The following TECPR1 variants were observed in gnomAD, a reference collection of about 807,000 sequenced individuals.
TECPR1 encodes tectonin beta-propeller repeat-containing protein 1.
A neutral mutation model predicts 162.4 loss-of-function variants in TECPR1; 122 were observed. The ratio of observed to expected loss-of-function variants is 0.75; its 90% confidence interval spans 0.65 to 0.87. The LOEUF (loss-of-function observed/expected upper bound fraction) is 0.87. Ranked by LOEUF, TECPR1 falls within the 40% of genes least tolerant of loss-of-function variation. TECPR1 has a pLI of 0.00. For synonymous variants in TECPR1, 642 were observed against 670.6 expected (o/e 0.96, Z 0.66); for missense variants, 1,432 against 1,618.2 (o/e 0.88, Z 1.97).
Position 98,233,498 on chromosome 7 carries a change from G to T in TECPR1, c.1595C>A (p.Pro532Gln). 1 of 1,512,722 alleles carries T rather than the reference G, an allele frequency of 6.6e-7. No individual in the cohort carries two copies. Among genetic ancestry groups the T allele is most frequent in the East Asian group, 2.4e-5 (1 of 42,436 alleles). The allele number at this position is 1,512,722 out of a possible 1,614,324, so 93.7% of individuals were successfully genotyped here. A position where few individuals can be genotyped will look rare whatever the true frequency, so the allele number is the denominator to read the frequency against. The stretch of plus-strand genomic sequence containing the variant: ...GCCTCCCGACACCCAGGCCCACAGC[G>T]GGTGGTCATCCACCCCATACGGCTC... ...LEEPYGVDDH[P>Q]LWAWVSGGGC... Residue 532 changes from proline (P) to glutamine (Q), a missense_variant, in exon 11 of 26, where the codon CCG becomes CAG. Coordinates refer to ENST00000447648, the MANE Select transcript of TECPR1 (RefSeq NM_015395.3).
intron 2 of TECPR1, among the ~76,000 whole-genome samples, chr7:98,248,845 CA>C (rs71112130): frequency 6.9e-6 from 1 of 144,922 alleles, no homozygotes; most frequent in Non-Finnish European, 1.5e-5. Flanking sequence ...GACTCCGTCT[CA>C]AAAAAAAACA....
At chr7:98,236,286 A>G (rs1798599101) in intron 10 of TECPR1, among the ~76,000 whole-genome samples, 2 of 152,176 alleles carry the variant, frequency 1.3e-5, no homozygotes, top group Non-Finnish European at 2.9e-5. Context: ...CCGGAGATCA[A>G]AGTCTGAACA....
intron 2 of TECPR1, among the ~76,000 whole-genome samples, chr7:98,248,720 G>A (rs1468403822): frequency 1.3e-5 from 2 of 151,652 alleles, no homozygotes; most frequent in East Asian, 2.0e-4. Flanking sequence ...AGTGGCGCGT[G>A]CCTGTAATCT....
chr7:98,221,518 A>T, intron 23 of TECPR1, 143 bp downstream of exon 23: 1 of 647,352 alleles, frequency 1.5e-6, no homozygotes, highest in African/African-American at 1.9e-5. Context: ...TCACTGTGTC[A>T]TGCAGACCAT....
At chr7:98,234,229 T>G (rs1326767192) in intron 10 of TECPR1, among the ~76,000 whole-genome samples, 1 of 152,226 alleles carries the variant, frequency 6.6e-6, no homozygotes, top group East Asian at 1.9e-4. Context: ...CTCAGCTCAC[T>G]GCAACCTCCG....
At chr7:98,225,500 G>A (rs537585216) in intron 17 of TECPR1, among the ~76,000 whole-genome samples, 36 of 146,402 alleles carry the variant, frequency 2.5e-4, no homozygotes, top group South Asian at 1.3e-3. Context: ...GTGCCACTAC[G>A]CCACTGCACT....
chr7:98,221,563 G>A (rs1452623951), intron 23 of TECPR1, 98 bp downstream of exon 23: 6 of 1,012,270 alleles, frequency 5.9e-6, no homozygotes, highest in Admixed American at 4.0e-5. Context: ...CTGATCTCAG[G>A]TGATCCGCTG....
In TECPR1 at chr7:98,238,554, C is replaced by G. The variant is rs748662522; in HGVS notation, c.990G>C (p.Glu330Asp). Residue 330 changes from glutamate (E) to aspartate (D), a missense_variant, in exon 9 of 26, where the codon GAG (glutamate) becomes GAC (aspartate). By Grantham distance (45) the Glu-to-Asp change is conservative. Coordinates refer to ENST00000447648, the MANE Select transcript of TECPR1 (RefSeq NM_015395.3). ...SHNPCGTSWI[E>D]MVGEMTMVNV... ...TCACCATCGTCATCTCACCAACCAT[C>G]TCAATCCAACTGGTGCCGCAGGGAT... The G allele has an allele frequency of 6.3e-7, 1 of 1,574,962 alleles. No individual in the cohort carries two copies. The highest frequency in any genetic ancestry group is 1.2e-5 in the South Asian group (1 of 85,354).
chr7:98,227,695 G>A (rs189632335), intron 17 of TECPR1, among the ~76,000 whole-genome samples: 16 of 151,854 alleles, frequency 1.1e-4, no homozygotes, highest in African/African-American at 3.1e-4. Flanking sequence ...GGTGCCAGGC[G>A]CCTGTAATCC....
At chr7:98,239,161 C>A (rs976922738) in intron 8 of TECPR1, among the ~76,000 whole-genome samples, 2 of 152,232 alleles carry the variant, frequency 1.3e-5, no homozygotes, top group African/African-American at 4.8e-5. Context: ...CACCCCGCCA[C>A]CCGGCATTCC....
Position 98,241,020 on chromosome 7 carries a change from A to C in TECPR1, c.832+50T>G, listed in dbSNP as rs1584351635. 1 of 1,585,650 alleles carries C rather than the reference A, an allele frequency of 6.3e-7. No homozygotes were observed. The highest frequency in any genetic ancestry group is 8.6e-7 in the Non-Finnish European group (1 of 1,166,508). ...GACAGCTGGGGAGCGAGTGACCCTC[A>C]CCCTTCTCCCCAGTACAGGGTATGT... On this transcript the variant is annotated intron_variant, in intron 7 of 25. Coordinates refer to ENST00000447648, the MANE Select transcript of TECPR1 (RefSeq NM_015395.3). The surrounding 1 kb of genome is among the most constrained non-coding windows in gnomAD (Gnocchi z 5.0).
In TECPR1 at chr7:98,240,868, C is replaced by T; in HGVS notation, c.916G>A (p.Val306Ile). The change falls in exon 8 of 26, where the codon GTC (valine) becomes ATC (isoleucine). Residue 306 changes from valine (V) to isoleucine (I), a missense_variant. Transcript: ENST00000447648. ...ISVGVSVVWA[V>I]TKDWKVWFRR... ...CATCTTACCTTCCAGTCCTTGGTGA[C>T]AGCCCAGACCACGCTGACTCCCACC... is the stretch of plus-strand genomic sequence containing the variant. 6.2e-7 allele frequency: 1 copy of T among 1,605,532 alleles called. No homozygotes were observed. The highest frequency in any genetic ancestry group is 8.5e-7 in the Non-Finnish European group (1 of 1,178,042).
intron 14 of TECPR1, 34 bp downstream of exon 14, chr7:98,231,190 T>TC (rs748361016): frequency 7.5e-6 from 12 of 1,607,300 alleles, no homozygotes; most frequent in Non-Finnish European, 1.0e-5. Context: ...TGGCTATCCC[T>TC]CCCCCCGGCC....
chr7:98,234,158 A>G (rs1798530797), intron 10 of TECPR1, among the ~76,000 whole-genome samples: 1 of 152,032 alleles, frequency 6.6e-6, no homozygotes, highest in Admixed American at 6.6e-5. Flanking sequence ...TAGAATTAGT[A>G]TTTCTTCTTT....
chr7:98,245,166 C>A, intron 3 of TECPR1, 99 bp from the exon 4 acceptor site: 5 of 1,324,764 alleles, frequency 3.8e-6, no homozygotes, highest in Non-Finnish European at 4.2e-6. Context: ...CCTGCCCAGC[C>A]GACCCCCTCA....
chr7:98,220,823 T>G (rs1288899785), intron 23 of TECPR1, among the ~76,000 whole-genome samples: 3 of 151,948 alleles, frequency 2.0e-5, no homozygotes, highest in Non-Finnish European at 2.9e-5. Flanking sequence ...CCCAAAGTGC[T>G]GGGATTACAG....
chr7:98,220,795 A>T (rs1798121966), intron 23 of TECPR1, among the ~76,000 whole-genome samples: 1 of 151,856 alleles, frequency 6.6e-6, no homozygotes, highest in Non-Finnish European at 1.5e-5. Context: ...TGACCTTGTG[A>T]TCCGCCTGCT....
At chr7:98,249,425 T>C (rs1439172368) in intron 2 of TECPR1, among the ~76,000 whole-genome samples, 1 of 151,968 alleles carries the variant, frequency 6.6e-6, no homozygotes, top group Non-Finnish European at 1.5e-5. Context: ...CCGTCAAACA[T>C]ATGAGAAAAT....
intron 21 of TECPR1, 102 bp downstream of exon 21, chr7:98,222,888 T>G: frequency 6.9e-7 from 1 of 1,439,394 alleles, no homozygotes; most frequent in Non-Finnish European, 9.6e-7. Context: ...ACAGGCAGTG[T>G]CCACTGGTCC....
Sources: gnomAD v4.1 joint callset for allele counts (sites outside exome capture counted in the v4.1 genomes callset) on GRCh38, gnomAD v4.1.1 for gene constraint, Gnocchi (gnomAD v3.1) non-coding constraint, MANE v1.5 for transcripts, NCBI Gene and HGNC (gene_info 2026-07-23, HGNC 2026-07-21) for gene names.